Variants in PRDM6 observed in about 807,000 individuals in gnomAD.
The protein encoded by PRDM6 is putative histone-lysine N-methyltransferase PRDM6.
A neutral mutation model predicts 60.8 loss-of-function variants in PRDM6; 25 were observed. The ratio of observed to expected loss-of-function variants is 0.41; its 90% confidence interval spans 0.30 to 0.57. PRDM6 has a LOEUF of 0.57. Among genes scored for constraint, PRDM6 ranks in the 20% least tolerant of loss-of-function variants. The pLI is 0.27. For missense variants in PRDM6, 839 were observed against 821.3 expected (o/e 1.02, Z -0.26); for synonymous variants, 407 against 357.4 (o/e 1.14, Z -1.57).
chr5:123,107,921 C>T (rs567192778), intron 3 of PRDM6, among the ~76,000 whole-genome samples: 38 of 152,220 alleles, frequency 2.5e-4, no homozygotes, highest in African/African-American at 7.0e-4. Flanking sequence ...TTAGTAAAAA[C>T]GTAATATTTT....
chr5:123,158,610 C>T (rs1195163362), intron 4 of PRDM6, among the ~76,000 whole-genome samples: 1 of 152,152 alleles, frequency 6.6e-6, no homozygotes, highest in Non-Finnish European at 1.5e-5. Context: ...AATATGTTGA[C>T]AAGTGCATAT....
At position 123,170,816 on chromosome 5, in the gene PRDM6, C is replaced by T; in HGVS notation, c.1204C>T (p.Gln402Ter). 6.4e-7 allele frequency: 1 copy of T among 1,552,152 alleles called. No individual in the cohort carries two copies. The highest frequency in any genetic ancestry group is 2.4e-5 in the East Asian group (1 of 40,924). ...MEAMCRQDALQPFNKSSKLAP... is the reference protein window; with the variant it reads ...MEAMCRQDAL The stretch of plus-strand genomic sequence containing the variant: ...AGCCATGTGCAGACAAGACGCCCTG[C>T]AGCCCTTCAACAAAAGCAGCAAACT... The change falls in exon 6 of 8, where the codon CAG becomes TAG. Residue 402 changes from glutamine to a stop codon, truncating the protein, a stop_gained. Transcript: ENST00000407847. LOFTEE classifies it high-confidence loss of function.
At chr5:123,178,661 G>T (rs536544143) in intron 6 of PRDM6, among the ~76,000 whole-genome samples, 1 of 152,284 alleles carries the variant, frequency 6.6e-6, no homozygotes, top group South Asian at 2.1e-4. Context: ...TTGAGTTATT[G>T]ACCAATCCTT....
intron 3 of PRDM6, among the ~76,000 whole-genome samples, chr5:123,151,993 A>G (rs763720017): frequency 3.3e-4 from 50 of 152,174 alleles, no homozygotes; most frequent in Middle Eastern, 3.4e-3. Context: ...AATGGAGGGA[A>G]ATTAAAAAAA....
intron 6 of PRDM6, among the ~76,000 whole-genome samples, chr5:123,177,855 T>A (rs1766051507): frequency 6.6e-6 from 1 of 152,158 alleles, no homozygotes; most frequent in Non-Finnish European, 1.5e-5. Flanking sequence ...GTTGAGTGGC[T>A]TGTCCAAATG....
At chr5:123,091,374 T>G (rs1435170692) in intron 2 of PRDM6, among the ~76,000 whole-genome samples, 2 of 152,362 alleles carry the variant, frequency 1.3e-5, no homozygotes, top group Non-Finnish European at 2.9e-5. Context: ...TATGTATTTA[T>G]TTTTAGAAAT....
intron 2 of PRDM6, among the ~76,000 whole-genome samples, chr5:123,090,956 A>C (rs1763825769): frequency 6.6e-6 from 1 of 152,084 alleles, no homozygotes; most frequent in Non-Finnish European, 1.5e-5. Flanking sequence ...CCAGGCGGGT[A>C]CTGGCAGCGT....
intron 5 of PRDM6, among the ~76,000 whole-genome samples, chr5:123,164,147 A>G (rs1765697352): frequency 6.6e-6 from 1 of 150,752 alleles, no homozygotes. Flanking sequence ...GGAGGAGCTC[A>G]GTCTACAAGA....
chr5:123,138,968 G>A (rs1032175964), intron 3 of PRDM6, among the ~76,000 whole-genome samples: 2 of 152,168 alleles, frequency 1.3e-5, no homozygotes, highest in Non-Finnish European at 2.9e-5. Context: ...TCATGGGGGT[G>A]GTTCCCCCAT....
chr5:123,157,062 C>CT (rs35295245), intron 4 of PRDM6, among the ~76,000 whole-genome samples: 11,239 of 140,380 alleles, frequency 0.08, 472 homozygotes, highest in African/African-American at 0.099. Context: ...TTTTCCTTTC[C>CT]TTTTTTTTTT....
At chr5:123,116,870 G>A (rs456690) in intron 3 of PRDM6, among the ~76,000 whole-genome samples, 133,185 of 152,214 alleles carry the variant, frequency 0.87, 58,738 homozygotes, top group East Asian at 0.99. Flanking sequence ...TGAAATATTT[G>A]GATAATTTCA....
intron 3 of PRDM6, among the ~76,000 whole-genome samples, chr5:123,104,075 A>G (rs1764156713): frequency 1.3e-5 from 2 of 152,134 alleles, no homozygotes; most frequent in Non-Finnish European, 1.5e-5. Context: ...GGATAACATA[A>G]TGTGAGCCTT....
rs1764064647 is a variant in PRDM6 at position 123,100,061 on chromosome 5, C to T, written c.900+100C>T. On this transcript the variant is annotated intron_variant, in intron 3 of 7. Transcript: ENST00000407847. ...GCCTGGCCTTTGGCTGTGGCAACTGCGAAGAGAGCCTCCCTTGGCCCCCAG... is the reference window on the plus strand; with the variant it reads ...GCCTGGCCTTTGGCTGTGGCAACTGTGAAGAGAGCCTCCCTTGGCCCCCAG... The T allele has an allele frequency of 4.1e-6, 5 of 1,222,576 alleles. No individual in the cohort carries two copies. In the East Asian group the frequency reaches 1.3e-4, roughly 32 times the overall value. The allele number at this position is 1,222,576 out of a possible 1,614,324, so 75.7% of individuals were successfully genotyped here.
At chr5:123,172,323 ACTTG>A (rs1240216274) in intron 6 of PRDM6, among the ~76,000 whole-genome samples, 1 of 152,222 alleles carries the variant, frequency 6.6e-6, no homozygotes, top group African/African-American at 2.4e-5. Flanking sequence ...TGGAAAAACT[ACTTG>A]CTTAGCATCA....
chr5:123,173,653 A>G (rs1765945492), intron 6 of PRDM6, among the ~76,000 whole-genome samples: 1 of 152,268 alleles, frequency 6.6e-6, no homozygotes, highest in Admixed American at 6.5e-5. Context: ...TTTATAAGCA[A>G]AGTAATAAAA....
At chr5:123,137,633 C>A (rs1764992605) in intron 3 of PRDM6, among the ~76,000 whole-genome samples, 1 of 152,068 alleles carries the variant, frequency 6.6e-6, no homozygotes, top group Non-Finnish European at 1.5e-5. Flanking sequence ...ACACCCGGGC[C>A]TGTCAGGGGG....
chr5:123,183,356 T>C (rs1766209753), intron 7 of PRDM6, among the ~76,000 whole-genome samples: 1 of 152,272 alleles, frequency 6.6e-6, no homozygotes, highest in African/African-American at 2.4e-5. Context: ...AGAAAGCCCT[T>C]TACAACTTCT....
In PRDM6 at chr5:123,194,063, G is replaced by A. The variant is rs1050672463; in HGVS notation, c.*6862G>A. ...GTAAGAATGGGTAAAACTTAATAAA[G>A]TTTTCTAACTTTATTAAACTCACAT... On this transcript the variant is annotated 3_prime_UTR_variant, in exon 8 of 8. Transcript: ENST00000407847. 1.3e-5 allele frequency: 2 copies of A among 151,926 alleles called. No homozygotes were observed. Among genetic ancestry groups the A allele is most frequent in the Non-Finnish European group, 2.9e-5 (2 of 67,974 alleles). The allele number at this position is 151,926 out of a possible 1,614,324, so 9.4% of individuals were successfully genotyped here.
intron 5 of PRDM6, among the ~76,000 whole-genome samples, chr5:123,164,938 G>GT (rs779030264): frequency 1.3e-5 from 2 of 152,222 alleles, no homozygotes; most frequent in South Asian, 4.2e-4. Flanking sequence ...ATAAAGGACT[G>GT]TTCCCTTGCC....
Sources: gnomAD v4.1 joint callset for allele counts (sites outside exome capture counted in the v4.1 genomes callset) on GRCh38, gnomAD v4.1.1 for gene constraint, MANE v1.5 for transcripts, NCBI Gene and HGNC (gene_info 2026-07-23, HGNC 2026-07-21) for gene names.